The following EXOC4 variants were observed in gnomAD, a reference collection of about 807,000 sequenced individuals.
EXOC4 encodes the protein SEC8-like 1.
EXOC4 carries 71 observed loss-of-function variants against 107.2 expected under a neutral mutation model. That is an observed-to-expected ratio of 0.66 (90% CI 0.55 to 0.81). EXOC4 has a LOEUF of 0.81. Ranked by LOEUF, EXOC4 falls within the 30% of genes least tolerant of loss-of-function variation. EXOC4 has a pLI of 0.00. For synonymous variants in EXOC4, 456 were observed against 441.2 expected (o/e 1.03, Z -0.42); for missense variants, 1,108 against 1,189.6 (o/e 0.93, Z 1.01).
chr7:133,481,031 C>G (rs1337102073), intron 9 of EXOC4: 1 of 133,304 alleles, frequency 7.5e-6, no homozygotes, highest in East Asian at 2.4e-4. Context: ...GCCTGTGTGA[C>G]AAAGTGAGAC....
At chr7:133,403,679 C>T (rs904839340) in intron 7 of EXOC4, among the ~76,000 whole-genome samples, 3 of 152,156 alleles carry the variant, frequency 2.0e-5, no homozygotes, top group Non-Finnish European at 4.4e-5. Flanking sequence ...CCTGTAATCC[C>T]AGCACTTTGG....
chr7:133,620,189 G>GT (rs976622017), intron 9 of EXOC4, among the ~76,000 whole-genome samples: 12 of 150,612 alleles, frequency 8.0e-5, no homozygotes, highest in Non-Finnish European at 1.0e-4. Context: ...CACCTGGCTA[G>GT]TTTTTTTTTG....
chr7:133,814,659 T>A (rs1313360447), intron 10 of EXOC4, among the ~76,000 whole-genome samples: 1 of 152,222 alleles, frequency 6.6e-6, no homozygotes, highest in East Asian at 1.9e-4. Context: ...TGAGAATGCC[T>A]CTTTCTTCAC....
intron 9 of EXOC4, among the ~76,000 whole-genome samples, chr7:133,538,581 T>C (rs537389175): frequency 2.0e-5 from 3 of 152,110 alleles, no homozygotes; most frequent in Non-Finnish European, 4.4e-5. Flanking sequence ...TATGGGAGGC[T>C]GAGGCTGGAG....
intron 9 of EXOC4, among the ~76,000 whole-genome samples, chr7:133,579,215 A>G (rs1208551463): frequency 6.6e-6 from 1 of 152,174 alleles, no homozygotes; most frequent in Non-Finnish European, 1.5e-5. Context: ...TTTCATTTAA[A>G]CTTGACTAAC....
chr7:133,965,099 C>T (rs1801032126), intron 14 of EXOC4, among the ~76,000 whole-genome samples: 1 of 152,112 alleles, frequency 6.6e-6, no homozygotes, highest in Non-Finnish European at 1.5e-5. Context: ...AGCTTTTTTT[C>T]ATCTGTTTGT....
intron 5 of EXOC4, among the ~76,000 whole-genome samples, chr7:133,351,691 T>C (rs540273917): frequency 6.6e-6 from 1 of 152,098 alleles, no homozygotes; most frequent in Middle Eastern, 3.4e-3. Flanking sequence ...ATCTCTGCTC[T>C]AATCTTTATA....
intron 5 of EXOC4, among the ~76,000 whole-genome samples, chr7:133,326,371 T>A (rs1408193156): frequency 2.6e-5 from 4 of 152,210 alleles, no homozygotes; most frequent in Non-Finnish European, 5.9e-5. Context: ...GATGGTGACG[T>A]ACAGATGGGG....
At chr7:133,581,019 G>A (rs1193488269) in intron 9 of EXOC4, among the ~76,000 whole-genome samples, 1 of 152,192 alleles carries the variant, frequency 6.6e-6, no homozygotes, top group Non-Finnish European at 1.5e-5. Context: ...GTCTCATGCT[G>A]GTGTTGCTTT....
chr7:134,098,987 G>C, the EXOC4 span, among the ~76,000 whole-genome samples: 1 of 152,150 alleles, frequency 6.6e-6, no homozygotes, highest in African/African-American at 2.4e-5. Context: ...AAAGGGTCAA[G>C]GGTGTTTCCA....
chr7:133,907,020 C>T (rs950721974), intron 12 of EXOC4, among the ~76,000 whole-genome samples: 19 of 152,222 alleles, frequency 1.2e-4, no homozygotes, highest in East Asian at 3.9e-4. Flanking sequence ...ATCTTGGAAG[C>T]GGCCAGCCAC....
intron 10 of EXOC4, among the ~76,000 whole-genome samples, chr7:133,739,254 G>C (rs941712406): frequency 6.7e-6 from 1 of 148,594 alleles, no homozygotes; most frequent in Non-Finnish European, 1.5e-5. Context: ...GTGTGTGTGT[G>C]TGTGTGTGTA....
At chr7:133,258,159 G>GA (rs1795060304) in intron 1 of EXOC4, among the ~76,000 whole-genome samples, 1 of 152,158 alleles carries the variant, frequency 6.6e-6, no homozygotes, top group South Asian at 2.1e-4. Context: ...AGAATACCCA[G>GA]AAACAGTGCT....
At chr7:134,030,739 G>A (rs958010329) in intron 17 of EXOC4, among the ~76,000 whole-genome samples, 4 of 135,098 alleles carry the variant, frequency 3.0e-5, no homozygotes, top group Non-Finnish European at 4.5e-5. Context: ...CTGATCAAAG[G>A]TTGGTTTCTG....
intron 9 of EXOC4, among the ~76,000 whole-genome samples, chr7:133,541,131 A>G (rs1584986640): frequency 6.6e-6 from 1 of 152,222 alleles, no homozygotes; most frequent in Non-Finnish European, 1.5e-5. Context: ...TAAGCTAATT[A>G]TAGTCATTAT....
chr7:133,306,624 C>T (rs1190774278), intron 4 of EXOC4, among the ~76,000 whole-genome samples: 2 of 151,882 alleles, frequency 1.3e-5, no homozygotes, highest in African/African-American at 2.4e-5. Flanking sequence ...GGCTTGAGCC[C>T]AGGAGTTTGA....
chr7:133,357,106 A>G (rs1262425495), intron 6 of EXOC4, among the ~76,000 whole-genome samples: 1 of 152,236 alleles, frequency 6.6e-6, no homozygotes, highest in Non-Finnish European at 1.5e-5. Context: ...CTCAATGAAA[A>G]ATATGGACAT....
At chr7:134,076,410 C>T in the EXOC4 span, among the ~76,000 whole-genome samples, 4 of 152,110 alleles carry the variant, frequency 2.6e-5, no homozygotes, top group Admixed American at 6.5e-5. Context: ...CCCAGCTACT[C>T]GGGACGCTGA....
At chr7:133,873,381 C>G (rs185573521) in intron 11 of EXOC4, among the ~76,000 whole-genome samples, 1 of 152,284 alleles carries the variant, frequency 6.6e-6, no homozygotes, top group East Asian at 1.9e-4. Context: ...CCTCACACCT[C>G]CCTCCTAGAG....
Sources: allele counts gnomAD v4.1 joint callset (sites outside exome capture counted in the v4.1 genomes callset), GRCh38; gene constraint gnomAD v4.1.1; transcripts MANE v1.5; gene names NCBI Gene and HGNC (gene_info 2026-07-23, HGNC 2026-07-21).